The following SIM1 variants were observed in gnomAD, a reference collection of about 807,000 sequenced individuals.
SIM1 encodes the protein single-minded homolog 1.
SIM1 carries 18 observed loss-of-function variants against 78.2 expected under a neutral mutation model. The observed-to-expected ratio is 0.23, with a 90% CI of 0.16 to 0.34. The LOEUF (loss-of-function observed/expected upper bound fraction) is 0.34, where lower values mean the gene tolerates loss of function less well. Among genes scored for constraint, SIM1 ranks in the 10% least tolerant of loss-of-function variants. The probability of loss-of-function intolerance (pLI) is 1.00; values close to 1 mark genes in which losing one functional copy is unlikely to be tolerated. For synonymous variants in SIM1, 417 were observed against 385.2 expected (o/e 1.08, Z -0.97); for missense variants, 939 against 975.1 (o/e 0.96, Z 0.49).
At chr6:100,391,346 A>G (rs1345111872) in intron 11 of SIM1, among the ~76,000 whole-genome samples, 3 of 152,154 alleles carry the variant, frequency 2.0e-5, no homozygotes, top group African/African-American at 7.2e-5. Flanking sequence ...TAGAAGATAA[A>G]CCTTGTTCAT....
At chr6:100,456,179 C>T (rs376504368) in intron 2 of SIM1, among the ~76,000 whole-genome samples, 1 of 152,132 alleles carries the variant, frequency 6.6e-6, no homozygotes, top group African/African-American at 2.4e-5. Flanking sequence ...GTCTACCTGC[C>T]GGGCTTTCCC....
intron 2 of SIM1, among the ~76,000 whole-genome samples, chr6:100,457,642 A>G (rs576044423): frequency 2.0e-5 from 3 of 152,328 alleles, no homozygotes; most frequent in Admixed American, 2.0e-4. Context: ...AGAGAAAAAA[A>G]GAGAGGGAAA....
Position 100,412,583 on chromosome 6 carries a change from G to GAAAGAAAGAA in SIM1, c.1167+8197_1167+8206dup, listed in dbSNP as rs1562239471. On this transcript the variant is annotated intron_variant, in intron 10 of 11. Transcript: ENST00000369208. ...AGAAAGAAAGAAAGAAAGAAAGAAA[G>GAAAGAAAGAA]AAAGAAAGAAAGAAAGAAAGAAAGA... Among the ~76,000 whole-genome samples the GAAAGAAAGAA allele has an allele frequency of 1.7e-4, 14 of 84,530 alleles. 2 individuals are homozygous for GAAAGAAAGAA. Among genetic ancestry groups the GAAAGAAAGAA allele is most frequent in the African/African-American group, 5.8e-4 (14 of 23,938 alleles). The allele number at this position is 84,530 out of a possible 152,430, so 55.5% of individuals were successfully genotyped here.
Position 100,441,047 on chromosome 6 carries a change from G to A in SIM1, c.998+6221C>T, listed in dbSNP as rs192928010. Among the ~76,000 whole-genome samples, 397 of 152,296 alleles carry A rather than the reference G, an allele frequency of 2.6e-3. 2 individuals carry two copies. The highest frequency in any genetic ancestry group is 8.7e-3 in the African/African-American group (360 of 41,558). ...TGATCCGTATTTTTCTACAATGTGA[G>A]TCAAAGATCAAAACCCTTTTTTCCC... On this transcript the variant is annotated intron_variant, in intron 9 of 11. Transcript: ENST00000369208.
At position 100,463,512 on chromosome 6, in the gene SIM1, A is replaced by T; in HGVS notation, c.-44T>A. On this transcript the variant is annotated 5_prime_UTR_variant, in exon 2 of 12. Transcript: ENST00000369208. ...TCTTCTCACAACTTAAGCTCCGCAG[A>T]TTCATCCAAAACCAAAAATAAACTT... 1 of 1,539,186 alleles carries T rather than the reference A, an allele frequency of 6.5e-7. No homozygotes were observed. The highest frequency in any genetic ancestry group is 8.8e-7 in the Non-Finnish European group (1 of 1,132,884).
At chr6:100,406,815 C>T (rs1049282450) in intron 10 of SIM1, among the ~76,000 whole-genome samples, 7 of 152,114 alleles carry the variant, frequency 4.6e-5, no homozygotes, top group African/African-American at 1.2e-4. Context: ...CACCTCACAT[C>T]GTTACCTTTT....
chr6:100,429,595 G>A (rs1771849116), intron 9 of SIM1, among the ~76,000 whole-genome samples: 1 of 152,082 alleles, frequency 6.6e-6, no homozygotes, highest in Non-Finnish European at 1.5e-5. Context: ...TACTGTATAT[G>A]CATATTGAGA....
chr6:100,412,593 A>G (rs868364876), intron 10 of SIM1, among the ~76,000 whole-genome samples: 237 of 107,170 alleles, frequency 2.2e-3, no homozygotes, highest in East Asian at 6.0e-3. Context: ...GAAAGAAAGA[A>G]AGAAAGAAAG....
intron 9 of SIM1, among the ~76,000 whole-genome samples, chr6:100,431,725 G>A (rs938424279): frequency 6.6e-6 from 1 of 152,194 alleles, no homozygotes; most frequent in Non-Finnish European, 1.5e-5. Context: ...ATAGGCAGCA[G>A]CAGCAGGTTT....
chr6:100,400,235 TA>T (rs977548321), intron 10 of SIM1, among the ~76,000 whole-genome samples: 24 of 150,062 alleles, frequency 1.6e-4, no homozygotes, highest in African/African-American at 5.6e-4. Flanking sequence ...ACAGAAGACT[TA>T]AAAAAAAAGA....
At chr6:100,457,995 T>A (rs987958440) in intron 2 of SIM1, among the ~76,000 whole-genome samples, 1 of 137,290 alleles carries the variant, frequency 7.3e-6, no homozygotes, top group Non-Finnish European at 1.6e-5. Flanking sequence ...CACCGCTGTC[T>A]GTCTCTCTCT....
chr6:100,447,256 T>C lies in SIM1; in HGVS notation c.998+12A>G, dbSNP rs1232357955. 6 of 1,613,916 alleles carry C rather than the reference T, an allele frequency of 3.7e-6. No homozygotes were observed. In the Admixed American group the frequency reaches 1.0e-4, roughly 27 times the overall value. ...CCTGGGGTGGGTGAAGGGGTCTCAG[T>C]CTTGCACTCACGTGAGGACATAGTT... On this transcript the variant is annotated intron_variant, in intron 9 of 11. Transcript: ENST00000369208.
intron 9 of SIM1, among the ~76,000 whole-genome samples, chr6:100,421,850 T>A (rs1771597228): frequency 6.6e-6 from 1 of 152,074 alleles, no homozygotes; most frequent in Non-Finnish European, 1.5e-5. Flanking sequence ...CAAAATAAAA[T>A]GTTTTAGAGT....
chr6:100,442,972 G>C (rs929233690), intron 9 of SIM1, among the ~76,000 whole-genome samples: 1 of 151,982 alleles, frequency 6.6e-6, no homozygotes, highest in Non-Finnish European at 1.5e-5. Context: ...AACTACAGTG[G>C]TTCTCATAAT....
chr6:100,423,058 G>T (rs1771637388), intron 9 of SIM1, among the ~76,000 whole-genome samples: 1 of 152,174 alleles, frequency 6.6e-6, no homozygotes, highest in Non-Finnish European at 1.5e-5. Context: ...CCTGCAGTTT[G>T]TCTTTCAGGC....
Position 100,461,772 on chromosome 6 carries a change from T to G in SIM1, c.175+1522A>C, listed in dbSNP as rs1293644883. Among the ~76,000 whole-genome samples, 3 of 152,156 alleles carry G rather than the reference T, an allele frequency of 2.0e-5. No homozygotes were observed. In the East Asian group the frequency reaches 5.8e-4, roughly 29 times the overall value. ...TCCCATCAACAATTCATAGCACAGT[T>G]TGAACGGGAAATGTGGTTTTTAGTA... On this transcript the variant is annotated intron_variant, in intron 2 of 11. Transcript: ENST00000369208.
chr6:100,450,688 TCTCTCTCTCACACACA>T (rs1772488603), intron 3 of SIM1, among the ~76,000 whole-genome samples: 1 of 97,838 alleles, frequency 1.0e-5, no homozygotes, highest in South Asian at 4.9e-4. Flanking sequence ...TCTCTCTCTC[TCTCTCTCTCACACACA>T]CACACACACA....
intron 2 of SIM1, chr6:100,462,597 A>T (rs528410353): frequency 3.8e-4 from 58 of 152,286 alleles, no homozygotes; most frequent in African/African-American, 1.4e-3. Flanking sequence ...CACCCAGAAG[A>T]TATTTTCTAA....
intron 10 of SIM1, among the ~76,000 whole-genome samples, chr6:100,400,688 TG>T (rs1402802830): frequency 6.6e-6 from 1 of 151,920 alleles, no homozygotes; most frequent in African/African-American, 2.4e-5. Flanking sequence ...CAAAAGTAAA[TG>T]ACAGTAATGA....
Sources: allele counts gnomAD v4.1 joint callset (sites outside exome capture counted in the v4.1 genomes callset), GRCh38; gene constraint gnomAD v4.1.1; transcripts MANE v1.5; gene names NCBI Gene and HGNC (gene_info 2026-07-23, HGNC 2026-07-21).